The following SEMA3A variants were observed in gnomAD, a reference collection of about 807,000 sequenced individuals.
The protein encoded by SEMA3A is semaphorin 3A, also known as semaphorin-3A.
SEMA3A carries 29 observed loss-of-function variants against 97.9 expected under a neutral mutation model. The ratio of observed to expected loss-of-function variants is 0.30; its 90% CI spans 0.22 to 0.40. The LOEUF (loss-of-function observed/expected upper bound fraction) is 0.40. Among genes scored for constraint, SEMA3A ranks in the 10% least tolerant of loss-of-function variants. The probability of loss-of-function intolerance (pLI) is 1.00; values close to 1 mark genes in which losing one functional copy is unlikely to be tolerated. For synonymous variants in SEMA3A, 321 were observed against 323.7 expected (o/e 0.99, Z 0.09); for missense variants, 763 against 951.3 (o/e 0.80, Z 2.60).
At chr7:84,407,428 T>G (rs1197544153) in intron 1 of SEMA3A, among the ~76,000 whole-genome samples, 1 of 152,068 alleles carries the variant, frequency 6.6e-6, no homozygotes, top group Admixed American at 6.6e-5. Context: ...TCCATGCTCA[T>G]GGGTAGGAAG....
At chr7:84,313,438 T>C (rs1801414616) in intron 2 of SEMA3A, among the ~76,000 whole-genome samples, 1 of 143,616 alleles carries the variant, frequency 7.0e-6, no homozygotes, top group Non-Finnish European at 1.5e-5. Context: ...AGAGAGTCTT[T>C]CTTGGCTACA....
chr7:84,480,965 T>A (rs1228911), intron 1 of SEMA3A, among the ~76,000 whole-genome samples: 66,874 of 151,932 alleles, frequency 0.44, 16,066 homozygotes, highest in East Asian at 0.62. Context: ...TGTTGGCAGA[T>A]GTTCAGTATT....
chr7:84,149,759 G>A (rs1413639440), intron 1 of SEMA3A, among the ~76,000 whole-genome samples: 1 of 152,176 alleles, frequency 6.6e-6, no homozygotes, highest in Non-Finnish European at 1.5e-5. Context: ...ATTGTTTAGA[G>A]TGAAATATGA....
At chr7:84,338,376 A>C (rs1802087834) in intron 2 of SEMA3A, among the ~76,000 whole-genome samples, 1 of 152,038 alleles carries the variant, frequency 6.6e-6, no homozygotes, top group Non-Finnish European at 1.5e-5. Context: ...TTAAACCATA[A>C]ATTAATTAAT....
intron 10 of SEMA3A, among the ~76,000 whole-genome samples, chr7:84,006,114 C>A (rs1286666544): frequency 6.6e-6 from 1 of 151,976 alleles, no homozygotes; most frequent in Non-Finnish European, 1.5e-5. Flanking sequence ...ATTAGCACCA[C>A]AAGCATGAGT....
intron 2 of SEMA3A, among the ~76,000 whole-genome samples, chr7:84,370,327 A>G (rs377690094): frequency 5.9e-5 from 9 of 151,726 alleles, no homozygotes; most frequent in African/African-American, 1.9e-4. Context: ...CATGTTTCAT[A>G]GCTCCAGAGC....
At chr7:84,443,140 G>A (rs1805313317) in intron 1 of SEMA3A, among the ~76,000 whole-genome samples, 1 of 151,972 alleles carries the variant, frequency 6.6e-6, no homozygotes, top group Non-Finnish European at 1.5e-5. Context: ...TGTAGAACAC[G>A]CTATTCAACA....
At chr7:84,279,182 G>A (rs1234652821) in intron 3 of SEMA3A, among the ~76,000 whole-genome samples, 1 of 152,026 alleles carries the variant, frequency 6.6e-6, no homozygotes, top group Non-Finnish European at 1.5e-5. Flanking sequence ...CTTACTGATT[G>A]CAAAGGAAAA....
chr7:84,119,886 C>A (rs965354717), intron 3 of SEMA3A, among the ~76,000 whole-genome samples: 1 of 152,024 alleles, frequency 6.6e-6, no homozygotes, highest in Non-Finnish European at 1.5e-5. Context: ...TTACTGTACT[C>A]TAAAAGTATG....
At chr7:84,062,750 AC>A (rs968029029) in intron 4 of SEMA3A, among the ~76,000 whole-genome samples, 3 of 152,204 alleles carry the variant, frequency 2.0e-5, no homozygotes, top group Non-Finnish European at 4.4e-5. Context: ...TATATCCCGC[AC>A]CTGGCTTGGA....
At chr7:84,475,171 G>A (rs2116419247) in intron 1 of SEMA3A, among the ~76,000 whole-genome samples, 1 of 151,794 alleles carries the variant, frequency 6.6e-6, no homozygotes. Context: ...GTGAATGTGT[G>A]TTTTGTTTTT....
chr7:84,023,905 G>A (rs569424364), intron 6 of SEMA3A, among the ~76,000 whole-genome samples: 2 of 151,792 alleles, frequency 1.3e-5, no homozygotes, highest in African/African-American at 4.8e-5. Flanking sequence ...CCAGCTACTC[G>A]GGAGGCTGAG....
intron 6 of SEMA3A, among the ~76,000 whole-genome samples, chr7:84,041,132 T>C (rs1203187859): frequency 6.6e-6 from 1 of 152,068 alleles, no homozygotes; most frequent in African/African-American, 2.4e-5. Context: ...TTCAAATATA[T>C]TGCCATTAAT....
intron 4 of SEMA3A, among the ~76,000 whole-genome samples, chr7:84,100,279 G>A (rs965479972): frequency 1.3e-5 from 2 of 152,022 alleles, no homozygotes; most frequent in African/African-American, 4.8e-5. Flanking sequence ...AAATCACTCC[G>A]ACATAGTCCT....
intron 4 of SEMA3A, among the ~76,000 whole-genome samples, chr7:84,102,588 CTTT>C (rs3074757): frequency 0.013 from 1,261 of 96,832 alleles, 16 homozygotes; most frequent in African/African-American, 0.035. Flanking sequence ...TGCATTATCG[CTTT>C]TTTTTTTTTT....
intron 2 of SEMA3A, among the ~76,000 whole-genome samples, chr7:84,134,039 C>G (rs568330075): frequency 6.6e-6 from 1 of 151,772 alleles, no homozygotes; most frequent in Non-Finnish European, 1.5e-5. Flanking sequence ...CCAGCCTGGG[C>G]GACAGAGCGA....
intron 15 of SEMA3A, 147 bp from the exon 16 acceptor site, chr7:83,963,494 T>C (rs1373501714): frequency 2.7e-5 from 23 of 861,396 alleles, no homozygotes; most frequent in Admixed American, 5.3e-5. Flanking sequence ...ATGTCAGTGA[T>C]GTAAGGTTTC....
At position 84,011,074 on chromosome 7, in the gene SEMA3A, TC is replaced by T. The variant is rs1454108837; in HGVS notation, c.942del (p.Met314IlefsTer32). ...HFDELQDVFL[M>X]NFKDPKNPVV... ...ACTGGATTTTTAGGATCTTTAAAGT[TC>T]ATTAGGAATACATCCTCTGTTTAAA... On this transcript the variant is annotated frameshift_variant, in exon 9 of 17. Coordinates refer to ENST00000265362, the MANE Select transcript of SEMA3A (RefSeq NM_006080.3). LOFTEE classifies it high-confidence loss of function. 1 of 1,612,468 alleles carries T rather than the reference TC, an allele frequency of 6.2e-7. No individual in the cohort carries two copies. The highest frequency in any genetic ancestry group is 8.5e-7 in the Non-Finnish European group (1 of 1,178,908).
intron 2 of SEMA3A, among the ~76,000 whole-genome samples, chr7:84,365,901 T>G (rs1802836781): frequency 6.6e-6 from 1 of 151,436 alleles, no homozygotes; most frequent in South Asian, 2.1e-4. Context: ...TATTTTATCT[T>G]AAGTTAAATT....
Sources: gnomAD v4.1 joint callset for allele counts (sites outside exome capture counted in the v4.1 genomes callset) on GRCh38, gnomAD v4.1.1 for gene constraint, MANE v1.5 for transcripts, NCBI Gene and HGNC (gene_info 2026-07-23, HGNC 2026-07-21) for gene names.